The following SCNN1B variants were observed in gnomAD, a reference collection of about 807,000 sequenced individuals.
SCNN1B encodes the protein sodium channel epithelial 1 subunit beta, also known as epithelial sodium channel subunit beta.
Under a neutral mutation model 65.3 loss-of-function variants are expected in SCNN1B, and 46 were observed. The observed-to-expected ratio is 0.70, with a 90% CI of 0.56 to 0.90. The LOEUF (loss-of-function observed/expected upper bound fraction) is 0.90. SCNN1B is among the 40% of genes least tolerant of loss of function. The pLI, the probability that SCNN1B is intolerant of heterozygous loss-of-function variation, is 0.00. For synonymous variants in SCNN1B, 349 were observed against 330.6 expected (o/e 1.06, Z -0.60); for missense variants, 751 against 830.5 (o/e 0.90, Z 1.18).
chr16:23,372,929 G>A (rs1392806275), intron 7 of SCNN1B, among the ~76,000 whole-genome samples: 3 of 148,300 alleles, frequency 2.0e-5, no homozygotes, highest in African/African-American at 7.4e-5. Context: ...GTGAAACCCC[G>A]TCTCTACTAA....
chr16:23,319,321 C>G (rs1214156282), intron 1 of SCNN1B, among the ~76,000 whole-genome samples: 1 of 152,180 alleles, frequency 6.6e-6, no homozygotes, highest in Non-Finnish European at 1.5e-5. Flanking sequence ...GCTGGGAGTA[C>G]AGGTGTGAGC....
chr16:23,357,496 T>C (rs1962444605), intron 4 of SCNN1B, among the ~76,000 whole-genome samples: 1 of 152,180 alleles, frequency 6.6e-6, no homozygotes, highest in Admixed American at 6.5e-5. Flanking sequence ...GGAAGGAGAA[T>C]CGCTTGAACC....
chr16:23,355,433 C>T lies in SCNN1B; in HGVS notation c.720C>T (p.Tyr240=), dbSNP rs752797855. 3.2e-5 allele frequency: 52 copies of T among 1,614,082 alleles called. No homozygotes were observed. Among genetic ancestry groups the T allele is most frequent in the Non-Finnish European group, 4.3e-5 (51 of 1,180,042 alleles). ...AGCAGGAGCTAGTAGAGATGAGCTA[C>T]CCCGGCGAGCAGATGATCCTGGCCT... ...VPQQELVEMS[Y]PGEQMILACL... is the part of the protein sequence containing the mutation. Residue 240 remains tyrosine (Y), a synonymous_variant, in exon 4 of 13, where the codon TAC becomes TAT. Coordinates refer to ENST00000343070, the MANE Select transcript of SCNN1B (RefSeq NM_000336.3).
At chr16:23,328,080 C>G (rs1961734078) in intron 1 of SCNN1B, among the ~76,000 whole-genome samples, 1 of 152,184 alleles carries the variant, frequency 6.6e-6, no homozygotes, top group South Asian at 2.1e-4. Context: ...GGCCAGTTGT[C>G]TTTAAGTCAC....
At chr16:23,364,122 T>C (rs965061019) in intron 4 of SCNN1B, among the ~76,000 whole-genome samples, 65 of 150,166 alleles carry the variant, frequency 4.3e-4, no homozygotes, top group Non-Finnish European at 6.8e-4. Context: ...GCTGAGATCA[T>C]GCCACTACAC....
intron 4 of SCNN1B, among the ~76,000 whole-genome samples, chr16:23,360,075 C>T (rs1454634698): frequency 2.6e-5 from 4 of 151,940 alleles, no homozygotes; most frequent in Non-Finnish European, 5.9e-5. Context: ...CAGTGGCTCA[C>T]GCCTATAATC....
intron 4 of SCNN1B, chr16:23,358,369 G>A (rs1567310235): frequency 2.0e-5 from 3 of 152,274 alleles, no homozygotes; most frequent in Admixed American, 1.3e-4. Flanking sequence ...GTCAAGGCTT[G>A]GGGTCTGGGG....
chr16:23,366,390 T>G (rs528203353), intron 4 of SCNN1B, among the ~76,000 whole-genome samples: 170 of 152,232 alleles, frequency 1.1e-3, no homozygotes, highest in African/African-American at 3.7e-3. Flanking sequence ...ATTTTATTTT[T>G]TATTTTTTGT....
intron 1 of SCNN1B, among the ~76,000 whole-genome samples, chr16:23,321,294 A>G (rs1166603404): frequency 6.6e-6 from 1 of 152,072 alleles, no homozygotes; most frequent in Non-Finnish European, 1.5e-5. Flanking sequence ...CACCTGCCTC[A>G]GCCTCCCGAA....
intron 1 of SCNN1B, among the ~76,000 whole-genome samples, chr16:23,336,518 C>T (rs1229563056): frequency 3.3e-5 from 5 of 151,984 alleles, no homozygotes; most frequent in Admixed American, 6.6e-5. Context: ...ACCACAGATG[C>T]GTGCCACCAT....
intron 11 of SCNN1B, among the ~76,000 whole-genome samples, chr16:23,379,551 C>T (rs768360935): frequency 6.6e-5 from 10 of 152,128 alleles, no homozygotes; most frequent in Admixed American, 2.6e-4. Context: ...CCTGGAGGCA[C>T]GAGACAGCAC....
At chr16:23,353,895 C>T (rs1962364012) in intron 3 of SCNN1B, among the ~76,000 whole-genome samples, 1 of 152,190 alleles carries the variant, frequency 6.6e-6, no homozygotes, top group African/African-American at 2.4e-5. Flanking sequence ...AGCTCTGTCA[C>T]AATACACATC....
At chr16:23,371,204 C>T in intron 5 of SCNN1B, 95 bp from the exon 6 acceptor site, 1 of 1,425,428 alleles carries the variant, frequency 7.0e-7, no homozygotes, top group Non-Finnish European at 9.7e-7. Context: ...CCCTGGAGGT[C>T]CCCTGGCCGG....
At chr16:23,357,015 G>A (rs1962434560) in intron 4 of SCNN1B, among the ~76,000 whole-genome samples, 2 of 152,226 alleles carry the variant, frequency 1.3e-5, no homozygotes, top group Non-Finnish European at 2.9e-5. Context: ...TCCAGGTGTG[G>A]GGTATGCCAC....
At chr16:23,357,631 C>A (rs1297138134) in intron 4 of SCNN1B, among the ~76,000 whole-genome samples, 3 of 152,184 alleles carry the variant, frequency 2.0e-5, no homozygotes, top group Non-Finnish European at 4.4e-5. Flanking sequence ...GGTTCTTGCA[C>A]ACAATGTCAA....
chr16:23,311,638 CAAG>C (rs1197076198), intron 1 of SCNN1B, among the ~76,000 whole-genome samples: 2 of 152,120 alleles, frequency 1.3e-5, no homozygotes, highest in African/African-American at 2.4e-5. Flanking sequence ...TGCACCCCAG[CAAG>C]AAGGAGTTGG....
Position 23,365,561 on chromosome 16 carries a change from A to G in SCNN1B, c.777-2295A>G, listed in dbSNP as rs975459681. Among the ~76,000 whole-genome samples the G allele has an allele frequency of 4.4e-3, 251 of 57,500 alleles. 3 individuals are homozygous for G. The highest frequency in any genetic ancestry group is 0.03 in the African/African-American group (209 of 6,902). 37.7% of individuals were successfully genotyped at this position (57,500 alleles called of 152,430 possible). A position where few individuals can be genotyped will look rare whatever the true frequency, so the allele number is the denominator to read the frequency against. ...AAGGAAAGAGAAAGAAGGAAAGAGAAAGAAAGAAAGAAAGAAAGAAAGAAA... is the reference window on the plus strand; with the variant it reads ...AAGGAAAGAGAAAGAAGGAAAGAGAGAGAAAGAAAGAAAGAAAGAAAGAAA... On this transcript the variant is annotated intron_variant, in intron 4 of 12. Transcript: ENST00000343070.
chr16:23,288,109 C>T (rs1031661603), intron 2 of SCNN1B, among the ~76,000 whole-genome samples: 16 of 151,942 alleles, frequency 1.1e-4, no homozygotes, highest in Admixed American at 7.9e-4. Context: ...GCTGACATTG[C>T]GCCACTTTAC....
intron 4 of SCNN1B, among the ~76,000 whole-genome samples, chr16:23,364,529 G>A (rs546163258): frequency 6.0e-4 from 92 of 152,304 alleles, no homozygotes; most frequent in Non-Finnish European, 1.0e-3. Context: ...CAGAAAGGGA[G>A]TACCGTGCTC....
Sources: allele counts gnomAD v4.1 joint callset (sites outside exome capture counted in the v4.1 genomes callset), GRCh38; gene constraint gnomAD v4.1.1; transcripts MANE v1.5; gene names NCBI Gene and HGNC (gene_info 2026-07-23, HGNC 2026-07-21).